The following DENND5A variants were observed in gnomAD, a reference collection of about 807,000 sequenced individuals.
DENND5A encodes DENN domain containing 5A.
A neutral mutation model predicts 140.3 loss-of-function variants in DENND5A; 64 were observed. The ratio of observed to expected loss-of-function variants is 0.46; its 90% CI spans 0.37 to 0.56. The LOEUF is 0.56. Among genes scored for constraint, DENND5A ranks in the 20% least tolerant of loss-of-function variants. DENND5A has a pLI of 0.00. For missense variants in DENND5A, 1,292 were observed against 1,593.8 expected (o/e 0.81, Z 3.22); for synonymous variants, 605 against 607.7 (o/e 1.00, Z 0.07).
At chr11:9,224,406 C>A (rs770433385) in intron 1 of DENND5A, among the ~76,000 whole-genome samples, 1 of 152,172 alleles carries the variant, frequency 6.6e-6, no homozygotes, top group Non-Finnish European at 1.5e-5. Context: ...CCTCCCAACA[C>A]CTGCTTTCTC....
Position 9,265,054 on chromosome 11 carries a change from C to G in DENND5A, c.16G>C (p.Gly6Arg). The change falls in exon 1 of 23, where the codon GGC becomes CGC. Residue 6 changes from glycine to arginine, a missense_variant. This residue lies in a region of DENND5A where 566 missense variants were observed against 650.4 expected (regional missense o/e 0.87). Transcript: ENST00000328194. The surrounding 1 kb of genome is among the most constrained non-coding windows in gnomAD (Gnocchi z 4.7). MSGGG[G>R]GGGSAPSRFA... is the part of the protein sequence containing the mutation. ...CGACTGGGCGCCGAGCCCCCTCCGC[C>G]GCCGCCGCCACTCATGGCGCCGGGG... is the stretch of plus-strand genomic sequence containing the variant. The G allele has an allele frequency of 6.5e-7, 1 of 1,546,922 alleles. No homozygotes were observed. The highest frequency in any genetic ancestry group is 8.7e-7 in the Non-Finnish European group (1 of 1,149,698).
At chr11:9,195,331 C>G (rs980070515) in intron 4 of DENND5A, among the ~76,000 whole-genome samples, 1 of 152,154 alleles carries the variant, frequency 6.6e-6, no homozygotes, top group African/African-American at 2.4e-5. Flanking sequence ...CTGCCTCGGC[C>G]TCCCAAAGTG....
At chr11:9,142,471 C>G (rs1264751186) in intron 21 of DENND5A, among the ~76,000 whole-genome samples, 2 of 152,154 alleles carry the variant, frequency 1.3e-5, no homozygotes, top group East Asian at 1.9e-4. Flanking sequence ...GGACTCAGGA[C>G]TAAGTCCATA....
intron 1 of DENND5A, among the ~76,000 whole-genome samples, chr11:9,221,267 C>G (rs151129553): frequency 0.022 from 3,305 of 147,812 alleles, 118 homozygotes; most frequent in African/African-American, 0.077. Context: ...CCTGTCTCTA[C>G]TAAAAATACA....
chr11:9,264,398 CCTACT>C (rs1261870934), intron 1 of DENND5A, among the ~76,000 whole-genome samples: 1 of 152,082 alleles, frequency 6.6e-6, no homozygotes, highest in Non-Finnish European at 1.5e-5. Context: ...TAAGGGAGTT[CCTACT>C]CTTCTTGGTG....
intron 1 of DENND5A, chr11:9,245,633 AT>A (rs1339658595): frequency 1.3e-5 from 2 of 151,358 alleles, no homozygotes; most frequent in Non-Finnish European, 2.9e-5. Flanking sequence ...TTTTAATTTA[AT>A]TTTATTTATT....
chr11:9,200,922 T>C (rs1299721195), intron 4 of DENND5A, among the ~76,000 whole-genome samples: 1 of 152,218 alleles, frequency 6.6e-6, no homozygotes, highest in Non-Finnish European at 1.5e-5. Flanking sequence ...AGCCACAGTT[T>C]TAGTGCTTGG....
In DENND5A at chr11:9,193,770, A is replaced by G. The variant is rs1849224744; in HGVS notation, c.950-89T>C. 3 of 1,123,268 alleles carry G rather than the reference A, an allele frequency of 2.7e-6. No individual in the cohort carries two copies. The Admixed American group carries it at 7.7e-5, about 29-fold the overall frequency. 69.6% of individuals were successfully genotyped at this position (1,123,268 alleles called of 1,614,324 possible). ...CAAACAGTAAGTTAAAACTTTCAGT[A>G]CAATTTCTTATTTAGAAACGATCAC... On this transcript the variant is annotated intron_variant, in intron 4 of 22. Transcript: ENST00000328194.
intron 1 of DENND5A, 25 bp downstream of exon 1, chr11:9,264,936 C>G: frequency 6.6e-7 from 1 of 1,525,140 alleles, no homozygotes; most frequent in Non-Finnish European, 8.8e-7. Flanking sequence ...CGCGGGAAAG[C>G]GCCCCGGGCT....
At chr11:9,146,629 T>A (rs1028530108) in intron 16 of DENND5A, among the ~76,000 whole-genome samples, 2 of 152,230 alleles carry the variant, frequency 1.3e-5, no homozygotes. Flanking sequence ...CTTTTTCCCT[T>A]CAGCCTGGTT....
intron 1 of DENND5A, among the ~76,000 whole-genome samples, chr11:9,230,629 T>G (rs1850732594): frequency 6.6e-6 from 1 of 152,202 alleles, no homozygotes; most frequent in Non-Finnish European, 1.5e-5. Context: ...CACATCTTTC[T>G]GCCCTTACTG....
At chr11:9,152,953 G>A (rs1240707963) in intron 12 of DENND5A, among the ~76,000 whole-genome samples, 24 of 147,030 alleles carry the variant, frequency 1.6e-4, no homozygotes, top group Admixed American at 1.3e-3. Context: ...AGCCTAGATC[G>A]CACCATTGCA....
chr11:9,163,723 G>C (rs1268943161), intron 11 of DENND5A, among the ~76,000 whole-genome samples: 1 of 150,810 alleles, frequency 6.6e-6, no homozygotes, highest in East Asian at 2.0e-4. Context: ...AGAATTGCTT[G>C]AACCTGGGAG....
At position 9,220,951 on chromosome 11, in the gene DENND5A, G is replaced by A. The variant is rs545201579; in HGVS notation, c.110-13319C>T. On this transcript the variant is annotated intron_variant, in intron 1 of 22. Transcript: ENST00000328194. ...ACATAAATTAGCCAGGCATAGTGGC[G>A]GGTGCCTGTAGACTCAGCTACTTGG... 9.2e-5 allele frequency among the ~76,000 whole-genome samples: 14 copies of A among 151,482 alleles called. No individual in the cohort carries two copies. In the East Asian group the frequency reaches 9.7e-4, roughly 11 times the overall value.
intron 20 of DENND5A, 168 bp from the exon 21 acceptor site, chr11:9,143,013 A>C: frequency 1.3e-6 from 1 of 743,354 alleles, no homozygotes; most frequent in Non-Finnish European, 2.1e-6. Flanking sequence ...AGCAGCTCCC[A>C]GTGAAGAGCT....
intron 1 of DENND5A, among the ~76,000 whole-genome samples, chr11:9,246,134 T>C (rs1444110879): frequency 1.3e-5 from 2 of 152,164 alleles, no homozygotes; most frequent in African/African-American, 4.8e-5. Flanking sequence ...TAGCTAGCCC[T>C]AGAAGTGACT....
At chr11:9,213,924 C>A (rs1413551695) in intron 1 of DENND5A, among the ~76,000 whole-genome samples, 3 of 151,946 alleles carry the variant, frequency 2.0e-5, no homozygotes, top group Non-Finnish European at 4.4e-5. Flanking sequence ...CCTATAAGGT[C>A]TATTTCATAT....
At position 9,204,063 on chromosome 11, in the gene DENND5A, G is replaced by A. The variant is rs1849612280; in HGVS notation, c.546C>T (p.Asp182=). ...AGCGCTGCAGTTTGGTCACAGGAGTGTCTTCACCATCCTCCATGCTGCTCT... is the reference window on the plus strand; with the variant it reads ...AGCGCTGCAGTTTGGTCACAGGAGTATCTTCACCATCCTCCATGCTGCTCT... The part of the protein sequence containing the change: ...RDQSSMEDGE[D]TPVTKLQRFN... The change falls in exon 4 of 23, where the codon GAC becomes GAT. Residue 182 remains aspartate, a synonymous_variant. Transcript: ENST00000328194. 3 of 1,614,062 alleles carry A rather than the reference G, an allele frequency of 1.9e-6. No individual in the cohort carries two copies. Among genetic ancestry groups the A allele is most frequent in the Non-Finnish European group, 2.5e-6 (3 of 1,180,034 alleles).
Position 9,180,962 on chromosome 11 carries a change from A to T in DENND5A, c.1260T>A (p.Ile420=). The change falls in exon 6 of 23, where the codon ATT becomes ATA. Residue 420 remains isoleucine, a synonymous_variant. Transcript: ENST00000328194. The part of the protein sequence containing the change: ...EVSEILMAFG[I]PPEGNLHCSE... ...TGCAATGAAGATTCCCTTCAGGGGG[A>T]ATTCCAAATGCCATGAGAATCTCAG... The T allele has an allele frequency of 6.2e-7, 1 of 1,614,126 alleles. No individual in the cohort carries two copies. The highest frequency in any genetic ancestry group is 8.5e-7 in the Non-Finnish European group (1 of 1,180,030).
Sources: gnomAD v4.1 joint callset for allele counts (sites outside exome capture counted in the v4.1 genomes callset) on GRCh38, gnomAD v4.1.1 for gene constraint, gnomAD v4.1.1 regional missense constraint, Gnocchi (gnomAD v3.1) non-coding constraint, MANE v1.5 for transcripts, NCBI Gene and HGNC (gene_info 2026-07-23, HGNC 2026-07-21) for gene names.